C3: variants seen among roughly 807,000 people sequenced by gnomAD.
The protein encoded by C3 is complement C3, also known as C3 and PZP-like alpha-2-macroglobulin domain-containing protein 1.
In C3, 97 loss-of-function variants were observed where a neutral mutation model predicts 207.9. The ratio of observed to expected loss-of-function variants is 0.47; its 90% confidence interval spans 0.40 to 0.55. The LOEUF is 0.55. Ranked by LOEUF, C3 falls within the 20% of genes least tolerant of loss-of-function variation. The pLI is 0.00. For synonymous variants in C3, 848 were observed against 857.6 expected (o/e 0.99, Z 0.20); for missense variants, 1,684 against 2,171.7 (o/e 0.78, Z 4.46).
At position 6,692,042 on chromosome 19, in the gene C3, C is replaced by T. The variant is rs141205829; in HGVS notation, c.3390+882G>A. Among the ~76,000 whole-genome samples, 462 of 148,656 alleles carry T rather than the reference C, an allele frequency of 3.1e-3. 8 individuals are homozygous for T. The East Asian group carries it at 0.039, about 13-fold the overall frequency. On this transcript the variant is annotated intron_variant, in intron 26 of 40. Coordinates refer to ENST00000245907, the MANE Select transcript of C3 (RefSeq NM_000064.4). ...CACACACACACACACACACTCACACCCCTCAGATTCCTGGGTCCTGCCCCT... is the reference window on the plus strand; with the variant it reads ...CACACACACACACACACACTCACACTCCTCAGATTCCTGGGTCCTGCCCCT...
At chr19:6,708,643 C>T (rs760185765) in intron 14 of C3, among the ~76,000 whole-genome samples, 1 of 104,846 alleles carries the variant, frequency 9.5e-6, no homozygotes, top group African/African-American at 3.7e-5. Flanking sequence ...TTTTCTTTCT[C>T]TCTGTTTCTC....
Position 6,697,688 on chromosome 19 carries a change from G to A in C3, c.2547C>T (p.Ala849=), listed in dbSNP as rs763871406. 9 of 1,613,992 alleles carry A rather than the reference G, an allele frequency of 5.6e-6. No homozygotes were observed. Among genetic ancestry groups the A allele is most frequent in the African/African-American group, 2.7e-5 (2 of 74,902 alleles). Reference sequence around the variant, plus strand: ...GGTTCTGCCGGTAATTGTAGAGAACGGCTCGGATTTCCACCTGCTCGTTTC... The same window carrying A: ...GGTTCTGCCGGTAATTGTAGAGAACAGCTCGGATTTCCACCTGCTCGTTTC... ...VVRNEQVEIR[A]VLYNYRQNQE... is the part of the protein sequence containing the mutation. Residue 849 remains alanine (A), a synonymous_variant, in exon 20 of 41, where the codon GCC becomes GCT. Transcript: ENST00000245907.
intron 26 of C3, among the ~76,000 whole-genome samples, chr19:6,692,017 C>G (rs1599505311): frequency 6.6e-6 from 1 of 151,644 alleles, no homozygotes; most frequent in Non-Finnish European, 1.5e-5. Flanking sequence ...CACACACACA[C>G]ACACACACAC....
chr19:6,704,940 C>T (rs1435694580), intron 17 of C3, among the ~76,000 whole-genome samples: 19 of 151,772 alleles, frequency 1.3e-4, no homozygotes, highest in African/African-American at 4.4e-4. Context: ...AGTCTCACTA[C>T]GCTGCCCAGA....
At position 6,719,222 on chromosome 19, in the gene C3, C is replaced by A. The variant is rs763113592; in HGVS notation, c.256G>T (p.Val86Phe). 6.2e-7 allele frequency: 1 copy of A among 1,613,914 alleles called. No homozygotes were observed. Among genetic ancestry groups the A allele is most frequent in the South Asian group, 1.1e-5 (1 of 91,068 alleles). Residue 86 changes from valine (V) to phenylalanine (F), a missense_variant, in exon 2 of 41, where the codon GTC becomes TTC. Physicochemically the swap from Val to Phe is conservative, Grantham distance 50. This residue lies in a region of C3 where 1,280 missense variants were observed against 1,739.1 expected (regional missense o/e 0.74). Coordinates refer to ENST00000245907, the MANE Select transcript of C3 (RefSeq NM_000064.4). The surrounding 1 kb of genome is among the most constrained non-coding windows in gnomAD (Gnocchi z 5.4). Reference sequence around the variant, plus strand: ...CAGTCTGCACTCACCGTGAAGGTGACGTTGCCCATGTGGTTGGTGGCAGGG... The same window carrying A: ...CAGTCTGCACTCACCGTGAAGGTGAAGTTGCCCATGTGGTTGGTGGCAGGG... ...LTPATNHMGN[V>F]TFTIPANREF...
intron 12 of C3, 35 bp downstream of exon 12, chr19:6,710,952 G>A (rs1014111736): frequency 1.2e-6 from 2 of 1,608,372 alleles, no homozygotes; most frequent in African/African-American, 1.3e-5. Flanking sequence ...AAACAAGGAG[G>A]AGGCGGGGGC....
In C3 at chr19:6,714,267, A is replaced by G; in HGVS notation, c.600-19T>C. 6.2e-6 allele frequency: 10 copies of G among 1,613,224 alleles called. No homozygotes were observed. The highest frequency in any genetic ancestry group is 8.5e-6 in the Non-Finnish European group (10 of 1,179,452). The stretch of plus-strand genomic sequence containing the variant: ...GCCCATGCTGTGAGGAGGGCGGATG[A>G]GTGGTCTCTCAGGCCTCGGAGCCCC... On this transcript the variant is annotated intron_variant, in intron 5 of 40. Coordinates refer to ENST00000245907, the MANE Select transcript of C3 (RefSeq NM_000064.4).
intron 17 of C3, among the ~76,000 whole-genome samples, chr19:6,703,327 G>A (rs1282293578): frequency 3.3e-5 from 5 of 152,098 alleles, no homozygotes; most frequent in Admixed American, 1.3e-4. Flanking sequence ...AAAGCATTTG[G>A]CCAGGCACAG....
chr19:6,718,971 T>C (rs1285507765), intron 2 of C3, among the ~76,000 whole-genome samples: 19 of 19,930 alleles, frequency 9.5e-4, no homozygotes, highest in African/African-American at 2.4e-3. Flanking sequence ...GGGGAGGAGA[T>C]TCAGAAGGGG....
At position 6,710,852 on chromosome 19, in the gene C3, G is replaced by T; in HGVS notation, c.1480-7C>A. The T allele has an allele frequency of 1.2e-6, 2 of 1,612,950 alleles. No homozygotes were observed. Among genetic ancestry groups the T allele is most frequent in the East Asian group, 2.2e-5 (1 of 44,856 alleles). On this transcript the variant is annotated splice_region_variant and splice_polypyrimidine_tract_variant and intron_variant, in intron 12 of 40. Coordinates refer to ENST00000245907, the MANE Select transcript of C3 (RefSeq NM_000064.4). ...GCCTGCCCTTGTTCATGATCTGGGG[G>T]GACAGGCTGGCATCAGGCTGGGGAG...
At chr19:6,701,999 C>T (rs941283810) in intron 19 of C3, 128 bp downstream of exon 19, 6 of 708,804 alleles carry the variant, frequency 8.5e-6, no homozygotes, top group Non-Finnish European at 1.5e-5. Context: ...AACAACACCT[C>T]TGTGGTAACC....
intron 17 of C3, chr19:6,702,935 G>C: frequency 3.1e-6 from 1 of 326,220 alleles, no homozygotes; most frequent in Admixed American, 4.2e-5. Context: ...TGTGGAGGCT[G>C]AGGCAGCAGA....
rs1255849792 is a variant in C3 at position 6,686,174 on chromosome 19, G to A, written c.3760C>T (p.Arg1254Cys). The A allele has an allele frequency of 5.0e-6, 8 of 1,614,166 alleles. No homozygotes were observed. Among genetic ancestry groups the A allele is most frequent in the South Asian group, 3.3e-5 (3 of 91,080 alleles). The change falls in exon 29 of 41, where the codon CGT (arginine) becomes TGT (cysteine). Residue 1254 changes from arginine (R) to cysteine (C), a missense_variant. Around this residue, in one of 3 missense-constraint regions of C3, gnomAD observed 1,280 missense variants for 1,739.1 expected, o/e 0.74. Transcript: ENST00000245907. ...TAGTATCTCTGTTCATTGAGCCAAC[G>A]CACGACGGGAGGCACAAAGTCAAAG... ...KDFDFVPPVV[R>C]WLNEQRYYGG...
intron 24 of C3, among the ~76,000 whole-genome samples, chr19:6,693,877 G>A (rs1291142147): frequency 1.3e-5 from 2 of 151,758 alleles, no homozygotes; most frequent in Admixed American, 1.3e-4. Context: ...TGGGGACCCA[G>A]GGGATGGGCG....
chr19:6,679,266 C>T, intron 37 of C3, 58 bp from the exon 38 acceptor site: 1 of 1,529,942 alleles, frequency 6.5e-7, no homozygotes, highest in Non-Finnish European at 9.1e-7. Context: ...GGCCTACTGC[C>T]CATGGGTGTG....
intron 27 of C3, among the ~76,000 whole-genome samples, chr19:6,687,137 A>T (rs344544): frequency 6.6e-6 from 1 of 151,928 alleles, no homozygotes; most frequent in African/African-American, 2.4e-5. Context: ...TGCTGGTAAA[A>T]GTTTAACAGC....
At chr19:6,686,983 G>C (rs770375126) in intron 27 of C3, 81 bp from the exon 28 acceptor site, 12 of 1,399,044 alleles carry the variant, frequency 8.6e-6, no homozygotes, top group Middle Eastern at 1.8e-4. Context: ...AGCACTTCCT[G>C]AGCATCAGGG....
chr19:6,692,603 G>A (rs1199999040), intron 26 of C3, among the ~76,000 whole-genome samples: 1 of 152,106 alleles, frequency 6.6e-6, no homozygotes, highest in African/African-American at 2.4e-5. Flanking sequence ...TAACATCATG[G>A]GAGAATGCAG....
intron 24 of C3, 26 bp downstream of exon 24, chr19:6,694,405 G>T: frequency 6.2e-7 from 1 of 1,607,118 alleles, no homozygotes; most frequent in Non-Finnish European, 8.5e-7. Flanking sequence ...GGTCCCTGGG[G>T]TCTCCAAGAG....
Sources: gnomAD v4.1 joint callset for allele counts (sites outside exome capture counted in the v4.1 genomes callset) on GRCh38, gnomAD v4.1.1 for gene constraint, gnomAD v4.1.1 regional missense constraint, Gnocchi (gnomAD v3.1) non-coding constraint, MANE v1.5 for transcripts, NCBI Gene and HGNC (gene_info 2026-07-23, HGNC 2026-07-21) for gene names.